MYO16: variants seen among roughly 807,000 people sequenced by gnomAD.
The protein encoded by MYO16 is myosin XVI, also known as unconventional myosin-XVI.
In MYO16, 94 loss-of-function variants were observed where a neutral mutation model predicts 205.3. The ratio of observed to expected loss-of-function variants is 0.46; its 90% CI spans 0.39 to 0.54. The LOEUF (loss-of-function observed/expected upper bound fraction) is 0.54, where lower values mean the gene tolerates loss of function less well. MYO16 is among the 20% of genes least tolerant of loss of function. The pLI, the probability that MYO16 is intolerant of heterozygous loss-of-function variation, is 0.00. For missense variants in MYO16, 2,315 were observed against 2,387.5 expected (o/e 0.97, Z 0.63); for synonymous variants, 988 against 954.0 (o/e 1.04, Z -0.66).
In MYO16 at chr13:109,125,342, G is replaced by A. The variant is rs772008342; in HGVS notation, c.3766G>A (p.Glu1256Lys). 2 of 1,614,086 alleles carry A rather than the reference G, an allele frequency of 1.2e-6. No homozygotes were observed. Among genetic ancestry groups the A allele is most frequent in the East Asian group, 2.2e-5 (1 of 44,890 alleles). Residue 1256 changes from glutamate (E) to lysine (K), a missense_variant, in exon 30 of 35, where the codon GAG (glutamate) becomes AAG (lysine). Glu to Lys is a moderately conservative substitution (Grantham distance 56). Around this residue, in one of 3 missense-constraint regions of MYO16, gnomAD observed 1,097 missense variants for 1,092.0 expected, o/e 1.00. Coordinates refer to ENST00000457511, the MANE Select transcript of MYO16 (RefSeq NM_001198950.3). This position sits in a 1 kb window ranked among gnomAD's most constrained non-coding sequence, Gnocchi z 4.0. ...GAAGTTAGAGGTCAGGAACATGCAAGAGGAAGGAAGCAAAAGGTAAAGGCA... is the reference window on the plus strand; with the variant it reads ...GAAGTTAGAGGTCAGGAACATGCAAAAGGAAGGAAGCAAAAGGTAAAGGCA... ...KEKLEVRNMQ[E>K]EGSKRTDDKS...
chr13:108,737,893 A>G (rs1884761994), intron 4 of MYO16, among the ~76,000 whole-genome samples: 1 of 152,018 alleles, frequency 6.6e-6, no homozygotes, highest in Admixed American at 6.6e-5. Context: ...GAATTTATCC[A>G]TTTCTTCTAG....
At chr13:108,982,291 C>T (rs1308779753) in intron 20 of MYO16, among the ~76,000 whole-genome samples, 1 of 152,316 alleles carries the variant, frequency 6.6e-6, no homozygotes, top group Non-Finnish European at 1.5e-5. Flanking sequence ...ATGTTAATTA[C>T]TTTCACTCTA....
chr13:108,938,119 CT>C (rs34866110), intron 16 of MYO16, among the ~76,000 whole-genome samples: 1 of 151,774 alleles, frequency 6.6e-6, no homozygotes, highest in Non-Finnish European at 1.5e-5. Context: ...TTTCCTCTCC[CT>C]TTTCCCCCTC....
At chr13:108,711,071 T>G (rs544071661) in intron 2 of MYO16, among the ~76,000 whole-genome samples, 22 of 152,130 alleles carry the variant, frequency 1.4e-4, no homozygotes, top group South Asian at 2.1e-4. Flanking sequence ...ATTCTATATA[T>G]ATATAGAGAG....
intron 10 of MYO16, among the ~76,000 whole-genome samples, chr13:108,846,227 A>T (rs918597500): frequency 9.9e-5 from 15 of 152,176 alleles, no homozygotes; most frequent in African/African-American, 3.6e-4. Flanking sequence ...TAAATTTAGT[A>T]ATTTAAAAGT....
chr13:108,909,505 C>T (rs2139232889), intron 15 of MYO16, among the ~76,000 whole-genome samples: 1 of 151,866 alleles, frequency 6.6e-6, no homozygotes, highest in East Asian at 1.9e-4. Flanking sequence ...CAGTGGGTTT[C>T]CTCCAGTGTT....
At chr13:108,708,095 C>T (rs1883583597) in intron 2 of MYO16, among the ~76,000 whole-genome samples, 2 of 152,046 alleles carry the variant, frequency 1.3e-5, no homozygotes, top group African/African-American at 2.4e-5. Context: ...TTGAGAAGCC[C>T]GGAACTAGCA....
At chr13:108,678,791 G>A (rs567803346) in intron 2 of MYO16, among the ~76,000 whole-genome samples, 9 of 152,242 alleles carry the variant, frequency 5.9e-5, no homozygotes, top group African/African-American at 1.9e-4. Context: ...GATGGTACCT[G>A]TATTGGTTTG....
intron 2 of MYO16, among the ~76,000 whole-genome samples, chr13:108,677,412 ATATT>A (rs1397123363): frequency 6.7e-6 from 1 of 148,642 alleles, no homozygotes; most frequent in African/African-American, 2.5e-5. Context: ...GTATACATAT[ATATT>A]CAGGTATATG....
Position 108,961,603 on chromosome 13 carries a change from C to T in MYO16, c.2102C>T (p.Ala701Val), listed in dbSNP as rs200506397. ...ILHLGDIRFT[A>V]LNEGNSAFVS... ...CACCTTGGAGACATTCGGTTTACTG[C>T]CCTGAATGAGGGGAACTCCGCCTTC... Residue 701 changes from alanine (A) to valine (V), a missense_variant, in exon 18 of 35, where the codon GCC becomes GTC. Transcript: ENST00000457511. The T allele has an allele frequency of 1.4e-5, 22 of 1,614,116 alleles. No individual in the cohort carries two copies. The East Asian group carries it at 3.8e-4, about 28-fold the overall frequency.
chr13:109,011,988 A>G (rs1885618131), intron 22 of MYO16, among the ~76,000 whole-genome samples: 1 of 152,142 alleles, frequency 6.6e-6, no homozygotes, highest in African/African-American at 2.4e-5. Context: ...GGGTCAATAT[A>G]TGTCTCTTTA....
chr13:109,167,258 G>T (rs1878711515), intron 33 of MYO16: 1 of 152,256 alleles, frequency 6.6e-6, no homozygotes, highest in Admixed American at 6.5e-5. Flanking sequence ...GTGCCTGGAG[G>T]TGGGCTCACC....
At chr13:108,720,446 A>G (rs1312586851) in intron 3 of MYO16, among the ~76,000 whole-genome samples, 1 of 152,126 alleles carries the variant, frequency 6.6e-6, no homozygotes, top group African/African-American at 2.4e-5. Context: ...TCTGACTTTC[A>G]CTGTAGAAAT....
intron 5 of MYO16, among the ~76,000 whole-genome samples, chr13:108,790,456 TAATA>T (rs1594295741): frequency 6.6e-6 from 1 of 152,172 alleles, no homozygotes; most frequent in East Asian, 1.9e-4. Context: ...TCTTTCAAAA[TAATA>T]AATCTAAATG....
At position 108,957,391 on chromosome 13, in the gene MYO16, AAAAAAAAAAAC is replaced by A. The variant is rs1883402182; in HGVS notation, c.1926-291_1926-281del. 4.6e-5 allele frequency among the ~76,000 whole-genome samples: 7 copies of A among 151,480 alleles called. No individual in the cohort carries two copies. In the South Asian group the frequency reaches 1.5e-3, roughly 32 times the overall value. The stretch of plus-strand genomic sequence containing the variant: ...AGAGTGAAACTCCATCTCAAAAAAA[AAAAAAAAAAAC>A]AAAAACATGAATCACTTGTGACCTT... On this transcript the variant is annotated intron_variant, in intron 16 of 34. Coordinates refer to ENST00000457511, the MANE Select transcript of MYO16 (RefSeq NM_001198950.3).
intron 1 of MYO16, among the ~76,000 whole-genome samples, chr13:108,623,199 T>C (rs1300756298): frequency 6.6e-6 from 1 of 152,082 alleles, no homozygotes. Context: ...ACTGTGCAGA[T>C]AGGAGAAAAT....
At chr13:109,050,073 C>G (rs1448367215) in intron 24 of MYO16, among the ~76,000 whole-genome samples, 1 of 151,822 alleles carries the variant, frequency 6.6e-6, no homozygotes, top group Non-Finnish European at 1.5e-5. Context: ...TACATAACTT[C>G]AGTAAATTAT....
chr13:109,117,494 AATAT>A (rs1437976510), intron 28 of MYO16, among the ~76,000 whole-genome samples: 3 of 148,212 alleles, frequency 2.0e-5, no homozygotes, highest in Non-Finnish European at 4.5e-5. Context: ...ATATATATGT[AATAT>A]ATATGTATAT....
the MYO16 span, among the ~76,000 whole-genome samples, chr13:108,559,981 A>T: frequency 6.6e-6 from 1 of 152,204 alleles, no homozygotes; most frequent in South Asian, 2.1e-4. Context: ...AAAAATTGTT[A>T]TGGTAGACTA....
Sources: gnomAD v4.1 joint callset for allele counts (sites outside exome capture counted in the v4.1 genomes callset) on GRCh38, gnomAD v4.1.1 for gene constraint, gnomAD v4.1.1 regional missense constraint, Gnocchi (gnomAD v3.1) non-coding constraint, MANE v1.5 for transcripts, NCBI Gene and HGNC (gene_info 2026-07-23, HGNC 2026-07-21) for gene names.